Variants in GPR157 observed in about 807,000 individuals in gnomAD.
GPR157 encodes G protein-coupled receptor 157.
Under a neutral mutation model 23.5 loss-of-function variants are expected in GPR157, and 16 were observed. The ratio of observed to expected loss-of-function variants is 0.68; its 90% CI spans 0.46 to 1.04. The LOEUF (loss-of-function observed/expected upper bound fraction) is 1.04, where lower values mean the gene tolerates loss of function less well. Among genes scored for constraint, GPR157 ranks in the 50% least tolerant of loss-of-function variants. GPR157 has a pLI of 0.00. For missense variants in GPR157, 440 were observed against 460.7 expected, an observed-to-expected ratio of 0.96 and a Z score of 0.41; for synonymous variants, 200 against 221.5, an observed-to-expected ratio of 0.90 and a Z score of 0.86.
In GPR157 at chr1:9,105,537, C is replaced by A. The variant is rs754153813; in HGVS notation, c.741G>T (p.Leu247=). 6.3e-7 allele frequency: 1 copy of A among 1,594,464 alleles called. No homozygotes were observed. The highest frequency in any genetic ancestry group is 8.5e-7 in the Non-Finnish European group (1 of 1,171,554). The change falls in exon 3 of 4, where the codon CTG becomes CTT. Residue 247 remains leucine, a synonymous_variant. Coordinates refer to ENST00000377411, the MANE Select transcript of GPR157 (RefSeq NM_024980.5). This position sits in a 1 kb window ranked among gnomAD's most constrained non-coding sequence, Gnocchi z 4.8. ...GCACGGCCGGGGAGCCACAGAGGGT[C>A]AGCACGAACCGCACGGTGCTCCAGA... is the stretch of plus-strand genomic sequence containing the variant. ...LRVWSTVRFV[L]TLCGSPAVQT...
rs1466925112 is a variant in GPR157, at chr1:9,129,091, C to G, written c.-64G>C. On this transcript the variant is annotated 5_prime_UTR_variant, in exon 1 of 4. Transcript: ENST00000377411. ...AAGCCGGGCCGCGCGTGCGGCCACG[C>G]CGCCGCCGTCTGGGCACCGAGGCGC... 16 of 1,199,198 alleles carry G rather than the reference C, an allele frequency of 1.3e-5. No homozygotes were observed. Among genetic ancestry groups the G allele is most frequent in the African/African-American group, 1.6e-5 (1 of 62,748 alleles). The allele number at this position is 1,199,198 out of a possible 1,614,324, so 74.3% of individuals were successfully genotyped here.
At chr1:9,116,500 T>C (rs1170532437) in intron 1 of GPR157, among the ~76,000 whole-genome samples, 4 of 143,174 alleles carry the variant, frequency 2.8e-5, no homozygotes, top group Admixed American at 1.5e-4. Flanking sequence ...CCCAGCACTT[T>C]GAGAGGCCGA....
intron 1 of GPR157, among the ~76,000 whole-genome samples, chr1:9,121,950 A>G (rs149370253): frequency 0.014 from 2,139 of 152,162 alleles, 25 homozygotes; most frequent in Middle Eastern, 0.027. Context: ...CTGACCCCCA[A>G]ATGAGCTGTC....
At position 9,120,364 on chromosome 1, in the gene GPR157, C is replaced by G. The variant is rs1638773383; in HGVS notation, c.383+8281G>C. On this transcript the variant is annotated intron_variant, in intron 1 of 3. Transcript: ENST00000377411. This position sits in a 1 kb window ranked among gnomAD's most constrained non-coding sequence, Gnocchi z 4.1. The stretch of plus-strand genomic sequence containing the variant: ...TCCCTTCTCTGGGCCAAACACAATG[C>G]CTGGTGTAGGTACCATGAGACCTGG... 6.6e-6 allele frequency among the ~76,000 whole-genome samples: 1 copy of G among 152,210 alleles called. No homozygotes were observed. Among genetic ancestry groups the G allele is most frequent in the South Asian group, 2.1e-4 (1 of 4,830 alleles).
intron 1 of GPR157, among the ~76,000 whole-genome samples, chr1:9,125,482 G>A (rs1638945983): frequency 6.6e-6 from 1 of 152,126 alleles, no homozygotes; most frequent in African/African-American, 2.4e-5. Context: ...CTGAGGATGA[G>A]GTCTAAACTG....
Position 9,102,523 on chromosome 1 carries a change from G to A in GPR157, c.*1896C>T, listed in dbSNP as rs1381699899. ...AAATGATTATTCCTTTCCTGATACA[G>A]ATTTTGGTTTTGAGAGTCAAACAGG... is the stretch of plus-strand genomic sequence containing the variant. On this transcript the variant is annotated 3_prime_UTR_variant, in exon 4 of 4. Coordinates refer to ENST00000377411, the MANE Select transcript of GPR157 (RefSeq NM_024980.5). 6.6e-6 allele frequency: 1 copy of A among 151,870 alleles called. No individual in the cohort carries two copies. The highest frequency in any genetic ancestry group is 1.5e-5 in the Non-Finnish European group (1 of 68,020). 9.4% of individuals were successfully genotyped at this position (151,870 alleles called of 1,614,324 possible).
Position 9,105,389 on chromosome 1 carries a change from G to T in GPR157, c.792+97C>A. ...GAGCTCCTCCCTGCAGCTGTGCCTT[G>T]GCCGACACTGGGGTGCAGCCACTGT... On this transcript the variant is annotated intron_variant, in intron 3 of 3. Coordinates refer to ENST00000377411, the MANE Select transcript of GPR157 (RefSeq NM_024980.5). This position sits in a 1 kb window ranked among gnomAD's most constrained non-coding sequence, Gnocchi z 4.8. 2.6e-6 allele frequency: 3 copies of T among 1,149,842 alleles called. No individual in the cohort carries two copies. Among genetic ancestry groups the T allele is most frequent in the Non-Finnish European group, 3.7e-6 (3 of 819,916 alleles). The allele number at this position is 1,149,842 out of a possible 1,614,324, so 71.2% of individuals were successfully genotyped here.
Position 9,102,838 on chromosome 1 carries a change from T to C in GPR157, c.*1581A>G, listed in dbSNP as rs992058275. On this transcript the variant is annotated 3_prime_UTR_variant, in exon 4 of 4. Coordinates refer to ENST00000377411, the MANE Select transcript of GPR157 (RefSeq NM_024980.5). Reference sequence around the variant, plus strand: ...TTACTTTCAATTCTTTTCTTTTAAATGTAAATAATCGCTCCATGCTCCATG... The same window carrying C: ...TTACTTTCAATTCTTTTCTTTTAAACGTAAATAATCGCTCCATGCTCCATG... The C allele has an allele frequency of 2.6e-5, 4 of 152,226 alleles. No homozygotes were observed. Among genetic ancestry groups the C allele is most frequent in the Non-Finnish European group, 5.9e-5 (4 of 68,038 alleles). 9.4% of individuals were successfully genotyped at this position (152,226 alleles called of 1,614,324 possible).
intron 1 of GPR157, among the ~76,000 whole-genome samples, chr1:9,123,162 G>GA (rs1356099063): frequency 2.2e-5 from 2 of 92,312 alleles, no homozygotes; most frequent in African/African-American, 9.0e-5. Context: ...GTCTTGGGTG[G>GA]GAAAAAAAAA....
Position 9,104,590 on chromosome 1 carries a change from G to C in GPR157, c.837C>G (p.Phe279Leu), listed in dbSNP as rs372777017. The stretch of plus-strand genomic sequence containing the variant: ...TTCGGACGGCGCGGGTGCAGAGGAC[G>C]AACATGATGCAGTTGGCACCTCCCT... ...TFQGGANCIM[F>L]VLCTRAVRTR... The change falls in exon 4 of 4, where the codon TTC becomes TTG. Residue 279 changes from phenylalanine to leucine, a missense_variant. Transcript: ENST00000377411. 6.2e-7 allele frequency: 1 copy of C among 1,613,072 alleles called. No homozygotes were observed. Among genetic ancestry groups the C allele is most frequent in the South Asian group, 1.1e-5 (1 of 90,908 alleles).
In GPR157 at chr1:9,118,580, G is replaced by A. The variant is rs780146362; in HGVS notation, c.384-7091C>T. Among the ~76,000 whole-genome samples, 3 of 152,186 alleles carry A rather than the reference G, an allele frequency of 2.0e-5. No individual in the cohort carries two copies. Among genetic ancestry groups the A allele is most frequent in the Non-Finnish European group, 4.4e-5 (3 of 68,028 alleles). ...TCGGCTTCCTTCCCACTCAGAGGCC[G>A]TTAAGGGTTCAATTGTGTCCCCTAC... On this transcript the variant is annotated intron_variant, in intron 1 of 3. Coordinates refer to ENST00000377411, the MANE Select transcript of GPR157 (RefSeq NM_024980.5). The surrounding 1 kb of genome is among the most constrained non-coding windows in gnomAD (Gnocchi z 4.6).
intron 2 of GPR157, among the ~76,000 whole-genome samples, chr1:9,107,725 A>T (rs945612367): frequency 2.0e-5 from 3 of 152,202 alleles, no homozygotes; most frequent in Non-Finnish European, 1.5e-5. Flanking sequence ...CCAGGAGTTC[A>T]AGACCAGGCT....
chr1:9,128,537 G>A lies in GPR157; in HGVS notation c.383+108C>T. 9.4e-7 allele frequency: 1 copy of A among 1,062,784 alleles called. No individual in the cohort carries two copies. Among genetic ancestry groups the A allele is most frequent in the South Asian group, 1.4e-5 (1 of 72,274 alleles). 65.8% of individuals were successfully genotyped at this position (1,062,784 alleles called of 1,614,324 possible). On this transcript the variant is annotated intron_variant, in intron 1 of 3. Transcript: ENST00000377411. This position sits in a 1 kb window ranked among gnomAD's most constrained non-coding sequence, Gnocchi z 6.3. The stretch of plus-strand genomic sequence containing the variant: ...TCGGGGGCGCCAGCAGGCACTGCTT[G>A]CTGTGGGTAGGGGGTGTCCAACCTA...
chr1:9,121,395 A>C (rs1191389769), intron 1 of GPR157, among the ~76,000 whole-genome samples: 2 of 148,066 alleles, frequency 1.4e-5, no homozygotes, highest in South Asian at 4.3e-4. Context: ...CCCAGAACTT[A>C]GGGAGGCCGA....
chr1:9,116,169 A>ATATAT, intron 1 of GPR157, among the ~76,000 whole-genome samples: 1 of 8,850 alleles, frequency 1.1e-4, no homozygotes, highest in South Asian at 2.7e-3. Flanking sequence ...TATATAATAT[A>ATATAT]ATTATATATA....
In GPR157 at chr1:9,128,842, G is replaced by A. The variant is rs1326337305; in HGVS notation, c.186C>T (p.Ala62=). The change falls in exon 1 of 4, where the codon GCC becomes GCT. Residue 62 remains alanine, a synonymous_variant. Transcript: ENST00000377411. This position sits in a 1 kb window ranked among gnomAD's most constrained non-coding sequence, Gnocchi z 6.3. The part of the protein sequence containing the change: ...FLSLADLLSA[A]SYFYGVLQNF... ...TCTGCAGCACTCCGTAGAAGTAGGAGGCGGCCGAGAGCAGGTCGGCCAGCG... is the reference window on the plus strand; with the variant it reads ...TCTGCAGCACTCCGTAGAAGTAGGAAGCGGCCGAGAGCAGGTCGGCCAGCG... The A allele has an allele frequency of 6.2e-7, 1 of 1,601,094 alleles. No homozygotes were observed. Among genetic ancestry groups the A allele is most frequent in the Non-Finnish European group, 8.5e-7 (1 of 1,174,576 alleles).
At chr1:9,110,887 C>G (rs1234267954) in intron 2 of GPR157, among the ~76,000 whole-genome samples, 1 of 152,230 alleles carries the variant, frequency 6.6e-6, no homozygotes, top group Non-Finnish European at 1.5e-5. Context: ...CTGTCCTCAC[C>G]TTTTAGCTAA....
intron 1 of GPR157, among the ~76,000 whole-genome samples, chr1:9,117,858 T>C (rs531285626): frequency 6.6e-6 from 1 of 152,148 alleles, no homozygotes; most frequent in South Asian, 2.1e-4. Flanking sequence ...TTTCCCCCCT[T>C]CATACGGGAA....
intron 1 of GPR157, among the ~76,000 whole-genome samples, chr1:9,119,965 G>C (rs1427967499): frequency 1.3e-5 from 2 of 152,162 alleles, no homozygotes; most frequent in Non-Finnish European, 2.9e-5. Flanking sequence ...CAATGCTCTC[G>C]GTTTCCCTGC....
Sources: allele counts gnomAD v4.1 joint callset (sites outside exome capture counted in the v4.1 genomes callset), GRCh38; gene constraint gnomAD v4.1.1; non-coding constraint Gnocchi (gnomAD v3.1); transcripts MANE v1.5; gene names NCBI Gene and HGNC (gene_info 2026-07-23, HGNC 2026-07-21).